JAKMIP2: variants seen among roughly 807,000 people sequenced by gnomAD.
The protein encoded by JAKMIP2 is janus kinase and microtubule-interacting protein 2.
JAKMIP2 carries 25 observed loss-of-function variants against 115.0 expected under a neutral mutation model. The observed-to-expected ratio is 0.22, with a 90% confidence interval of 0.16 to 0.30. The LOEUF (loss-of-function observed/expected upper bound fraction) is 0.30, where lower values mean the gene tolerates loss of function less well. Among genes scored for constraint, JAKMIP2 ranks in the 10% least tolerant of loss-of-function variants. JAKMIP2 has a pLI of 1.00. For missense variants in JAKMIP2, 642 were observed against 957.6 expected (o/e 0.67, Z 4.35); for synonymous variants, 334 against 343.6 (o/e 0.97, Z 0.31).
chr5:147,760,885 G>T (rs1410391704), intron 1 of JAKMIP2, among the ~76,000 whole-genome samples: 6 of 152,010 alleles, frequency 3.9e-5, no homozygotes, highest in Non-Finnish European at 5.9e-5. Context: ...TGAGAGGGGT[G>T]GGATCCATAG....
intron 1 of JAKMIP2, among the ~76,000 whole-genome samples, chr5:147,775,646 C>T (rs946296333): frequency 1.3e-5 from 2 of 152,088 alleles, no homozygotes; most frequent in Non-Finnish European, 1.5e-5. Flanking sequence ...TTATCAAAAT[C>T]ATAACATCCT....
chr5:147,658,016 C>T (rs959867687), intron 3 of JAKMIP2, among the ~76,000 whole-genome samples: 6 of 152,044 alleles, frequency 3.9e-5, no homozygotes, highest in African/African-American at 2.4e-5. Context: ...TCAACTTGTC[C>T]ATCTCATCCT....
chr5:147,751,612 C>G (rs979461934), intron 1 of JAKMIP2, among the ~76,000 whole-genome samples: 2 of 150,350 alleles, frequency 1.3e-5, no homozygotes, highest in African/African-American at 4.9e-5. Flanking sequence ...GGGCACAGGG[C>G]CACAGGGAGA....
At chr5:147,728,074 C>T (rs551038892) in intron 1 of JAKMIP2, among the ~76,000 whole-genome samples, 2 of 152,218 alleles carry the variant, frequency 1.3e-5, no homozygotes, top group South Asian at 2.1e-4. Flanking sequence ...CTTTATCTGA[C>T]GTTTTTTGAC....
At chr5:147,724,457 T>G (rs1021586366) in intron 1 of JAKMIP2, among the ~76,000 whole-genome samples, 2 of 152,210 alleles carry the variant, frequency 1.3e-5, no homozygotes, top group Non-Finnish European at 2.9e-5. Context: ...AAAGACAAAC[T>G]GTAATGTGTT....
At chr5:147,619,357 C>T (rs6881661) in intron 18 of JAKMIP2, among the ~76,000 whole-genome samples, 9,303 of 146,622 alleles carry the variant, frequency 0.063, 803 homozygotes, top group African/African-American at 0.21. Context: ...ACTTCCTTCT[C>T]TGTCTCTAAT....
intron 1 of JAKMIP2, among the ~76,000 whole-genome samples, chr5:147,742,151 A>ATTTT (rs1374987918): frequency 3.0e-5 from 3 of 99,676 alleles, no homozygotes; most frequent in South Asian, 7.3e-4. Flanking sequence ...ATATATATAT[A>ATTTT]TATATTTTTT....
At chr5:147,622,168 A>C (rs1720704375) in intron 17 of JAKMIP2, among the ~76,000 whole-genome samples, 1 of 152,222 alleles carries the variant, frequency 6.6e-6, no homozygotes. Context: ...TGCCCAGACG[A>C]ATCTTGTTAT....
chr5:147,756,262 T>C (rs1450878048), intron 1 of JAKMIP2, among the ~76,000 whole-genome samples: 1 of 152,180 alleles, frequency 6.6e-6, no homozygotes. Context: ...TGTATTTGTG[T>C]TGTCTTTACA....
intron 1 of JAKMIP2, among the ~76,000 whole-genome samples, chr5:147,770,961 T>A (rs1425356322): frequency 3.3e-5 from 5 of 152,160 alleles, no homozygotes; most frequent in Non-Finnish European, 7.4e-5. Context: ...CTGGGATTCA[T>A]TCTCCCCTTA....
rs143706761 is a variant in JAKMIP2 at position 147,604,426 on chromosome 5, G to A, written c.2413-2615C>T. On this transcript the variant is annotated intron_variant, in intron 20 of 21. Transcript: ENST00000616793. ...TTATCATCCCTGTTTTAGAGATATG[G>A]CTTAGACAGAGGAGGTGAAGTTATT... 7.9e-3 allele frequency among the ~76,000 whole-genome samples: 1,204 copies of A among 152,224 alleles called. 20 individuals are homozygous for A. Among genetic ancestry groups the A allele is most frequent in the African/African-American group, 0.027 (1,142 of 41,532 alleles).
intron 20 of JAKMIP2, among the ~76,000 whole-genome samples, chr5:147,609,430 A>G (rs1173681511): frequency 6.6e-6 from 1 of 152,158 alleles, no homozygotes; most frequent in African/African-American, 2.4e-5. Context: ...TCCTTCACTT[A>G]TGAAGCTTAG....
At chr5:147,698,686 A>T (rs1196398139) in intron 1 of JAKMIP2, among the ~76,000 whole-genome samples, 1 of 152,144 alleles carries the variant, frequency 6.6e-6, no homozygotes, top group Non-Finnish European at 1.5e-5. Context: ...CTGCCTTGTG[A>T]GGAAGGACGT....
At position 147,706,312 on chromosome 5, in the gene JAKMIP2, T is replaced by C. The variant is rs556446875; in HGVS notation, c.-148-34358A>G. On this transcript the variant is annotated intron_variant, in intron 1 of 21. Transcript: ENST00000616793. ...TCCCCAAGACTGGAGAACCAGCAAC[T>C]GCATTCTAACAACGTGTTGACCAGC... 3.3e-5 allele frequency among the ~76,000 whole-genome samples: 5 copies of C among 152,198 alleles called. No individual in the cohort carries two copies. The South Asian group carries it at 8.3e-4, about 25-fold the overall frequency.
intron 1 of JAKMIP2, among the ~76,000 whole-genome samples, chr5:147,701,075 A>T (rs1489993304): frequency 1.3e-5 from 2 of 152,142 alleles, no homozygotes; most frequent in African/African-American, 4.8e-5. Flanking sequence ...TTGTAAAAAA[A>T]GCTGTAAGGT....
intron 1 of JAKMIP2, among the ~76,000 whole-genome samples, chr5:147,764,922 G>GAAAGAAAGAAAGAAAGAA (rs550191358): frequency 4.2e-5 from 3 of 71,738 alleles, no homozygotes; most frequent in African/African-American, 2.6e-4. Flanking sequence ...AAGAAAGAAA[G>GAAAGAAAGAAAGAAAGAA]AGAGAGAGAG....
At chr5:147,595,674 T>C (rs1173441623) in intron 21 of JAKMIP2, 2 of 330,384 alleles carry the variant, frequency 6.1e-6, no homozygotes, top group Non-Finnish European at 1.2e-5. Context: ...CATAAAATAA[T>C]AAATATAAAT....
At position 147,650,631 on chromosome 5, in the gene JAKMIP2, T is replaced by C. The variant is rs1002643821; in HGVS notation, c.628-84A>G. ...TACAATGGTGTAGGTTTAACTTCTT[T>C]TATCTGATTGATACAGAAAAAAAAT... is the stretch of plus-strand genomic sequence containing the variant. On this transcript the variant is annotated intron_variant, in intron 3 of 21. Coordinates refer to ENST00000616793, the MANE Select transcript of JAKMIP2 (RefSeq NM_001270941.2). 22 of 1,035,148 alleles carry C rather than the reference T, an allele frequency of 2.1e-5. No homozygotes were observed. The African/African-American group carries it at 2.4e-4, about 11-fold the overall frequency. 64.1% of individuals were successfully genotyped at this position (1,035,148 alleles called of 1,614,324 possible). A position where few individuals can be genotyped will look rare whatever the true frequency, so the allele number is the denominator to read the frequency against.
At chr5:147,643,883 T>C (rs1757995109) in intron 7 of JAKMIP2, among the ~76,000 whole-genome samples, 175 bp downstream of exon 7, 1 of 152,206 alleles carries the variant, frequency 6.6e-6, no homozygotes, top group African/African-American at 2.4e-5. Context: ...TTAAAAGGTG[T>C]AAAGCAGTTG....
Sources: gnomAD v4.1 joint callset for allele counts (sites outside exome capture counted in the v4.1 genomes callset) on GRCh38, gnomAD v4.1.1 for gene constraint, MANE v1.5 for transcripts, NCBI Gene and HGNC (gene_info 2026-07-23, HGNC 2026-07-21) for gene names.